The following DPP9 variants were observed in gnomAD, a reference collection of about 807,000 sequenced individuals.
The protein encoded by DPP9 is dipeptidyl peptidase 9.
DPP9 carries 50 observed loss-of-function variants against 110.7 expected under a neutral mutation model. The observed-to-expected ratio is 0.45, with a 90% confidence interval of 0.36 to 0.57. The LOEUF is 0.57. DPP9 is among the 20% of genes least tolerant of loss of function. DPP9 has a pLI of 0.00. For missense variants in DPP9, 1,022 were observed against 1,217.9 expected (o/e 0.84, Z 2.39); for synonymous variants, 561 against 514.4 (o/e 1.09, Z -1.23).
chr19:4,707,349 T>C (rs906341859), intron 4 of DPP9, among the ~76,000 whole-genome samples: 3 of 152,096 alleles, frequency 2.0e-5, no homozygotes, highest in African/African-American at 7.2e-5. Flanking sequence ...CAATTGTCAT[T>C]AGAAAAGGGA....
Position 4,676,394 on chromosome 19 carries a change from AG to A in DPP9, c.*169del. ...CATAAAACCCAAGAGCGTTTAAAAA[AG>A]GATAAAAGGCGTCGGGGCGGTGAAG... On this transcript the variant is annotated 3_prime_UTR_variant, in exon 22 of 22. Coordinates refer to ENST00000262960, the MANE Select transcript of DPP9 (RefSeq NM_139159.5). This position sits in a 1 kb window ranked among gnomAD's most constrained non-coding sequence, Gnocchi z 4.0. 4.9e-6 allele frequency: 3 copies of A among 610,888 alleles called. No individual in the cohort carries two copies. Among genetic ancestry groups the A allele is most frequent in the South Asian group, 1.9e-5 (1 of 52,038 alleles). The allele number at this position is 610,888 out of a possible 1,614,324, so 37.8% of individuals were successfully genotyped here. A position where few individuals can be genotyped will look rare whatever the true frequency, so the allele number is the denominator to read the frequency against.
chr19:4,677,229 GGGGTGGAT>G (rs1293094778), intron 21 of DPP9, among the ~76,000 whole-genome samples: 8 of 152,086 alleles, frequency 5.3e-5, no homozygotes, highest in African/African-American at 1.9e-4. Flanking sequence ...GCCAGGCCTG[GGGGTGGAT>G]CCACACGGGG....
At chr19:4,720,989 A>T (rs1390713705) in intron 2 of DPP9, among the ~76,000 whole-genome samples, 1 of 152,198 alleles carries the variant, frequency 6.6e-6, no homozygotes, top group African/African-American at 2.4e-5. Flanking sequence ...TTAGTAGGGC[A>T]GAGGATCATG....
In DPP9 at chr19:4,698,661, A is replaced by G. The variant is rs1485277184; in HGVS notation, c.1075-1010T>C. Among the ~76,000 whole-genome samples, 5 of 152,116 alleles carry G rather than the reference A, an allele frequency of 3.3e-5. No individual in the cohort carries two copies. The highest frequency in any genetic ancestry group is 1.2e-4 in the African/African-American group (5 of 41,422). ...CTACTCAAGAGGCTGAGGCAAGAGG[A>G]TTGCCTTGAGCCTGGGAAGTTGAGG... On this transcript the variant is annotated intron_variant, in intron 10 of 21. Coordinates refer to ENST00000262960, the MANE Select transcript of DPP9 (RefSeq NM_139159.5). This position sits in a 1 kb window ranked among gnomAD's most constrained non-coding sequence, Gnocchi z 4.2.
chr19:4,678,440 G>GT (rs1235593916), intron 21 of DPP9, among the ~76,000 whole-genome samples: 1 of 152,214 alleles, frequency 6.6e-6, no homozygotes, highest in Non-Finnish European at 1.5e-5. Context: ...ACCTTGTTTG[G>GT]CCCCAGCAGC....
chr19:4,688,067 A>G (rs2090956397), intron 16 of DPP9, among the ~76,000 whole-genome samples: 1 of 152,146 alleles, frequency 6.6e-6, no homozygotes, highest in Non-Finnish European at 1.5e-5. Context: ...AAGTGCTGGG[A>G]TTACAGGCAT....
chr19:4,720,766 C>G (rs1457928882), intron 2 of DPP9, among the ~76,000 whole-genome samples: 2 of 152,176 alleles, frequency 1.3e-5, no homozygotes, highest in Non-Finnish European at 2.9e-5. Context: ...AGAAGGATCC[C>G]ACCTCAAATG....
At chr19:4,677,095 G>A (rs2088939427) in intron 21 of DPP9, among the ~76,000 whole-genome samples, 1 of 152,156 alleles carries the variant, frequency 6.6e-6, no homozygotes, top group Admixed American at 6.5e-5. Flanking sequence ...CTGGGCCTTA[G>A]GACAGCTGCC....
chr19:4,698,753 A>C lies in DPP9; in HGVS notation c.1075-1102T>G, dbSNP rs911650844. Among the ~76,000 whole-genome samples, 1 of 152,150 alleles carries C rather than the reference A, an allele frequency of 6.6e-6. No individual in the cohort carries two copies. The highest frequency in any genetic ancestry group is 1.5e-5 in the Non-Finnish European group (1 of 68,024). On this transcript the variant is annotated intron_variant, in intron 10 of 21. Transcript: ENST00000262960. The surrounding 1 kb of genome is among the most constrained non-coding windows in gnomAD (Gnocchi z 4.2). ...CGACAGTGAGACCCTGTCTCAAAAA[A>C]CAAGAACAAACAAGCAAAGCAAAAC...
rs2088775315 is a variant in DPP9, at chr19:4,675,780, AT to A, written c.*783del. The A allele has an allele frequency of 2.0e-5, 3 of 152,082 alleles. No individual in the cohort carries two copies. The highest frequency in any genetic ancestry group is 7.3e-5 in the African/African-American group (3 of 41,356). 9.4% of individuals were successfully genotyped at this position (152,082 alleles called of 1,614,324 possible). A position where few individuals can be genotyped will look rare whatever the true frequency, so the allele number is the denominator to read the frequency against. ...CCTTGCTTTCTGTCTTTTATTTTTT[AT>A]TTATTTTGAGACAGAGTTTCGCTCT... is the stretch of plus-strand genomic sequence containing the variant. On this transcript the variant is annotated 3_prime_UTR_variant, in exon 22 of 22. Coordinates refer to ENST00000262960, the MANE Select transcript of DPP9 (RefSeq NM_139159.5).
Position 4,723,095 on chromosome 19 carries a change from G to A in DPP9, c.-88-544C>T, listed in dbSNP as rs1254206569. Among the ~76,000 whole-genome samples, 12 of 152,258 alleles carry A rather than the reference G, an allele frequency of 7.9e-5. No individual in the cohort carries two copies. In the South Asian group the frequency reaches 1.5e-3, roughly 18 times the overall value. The stretch of plus-strand genomic sequence containing the variant: ...CTAACCACTACACCACCAACGCCTC[G>A]GCAGGAAAAAGAGTCTCTGGATACC... On this transcript the variant is annotated intron_variant, in intron 1 of 21. Transcript: ENST00000262960.
Position 4,702,060 on chromosome 19 carries a change from T to C in DPP9, c.979A>G (p.Arg327Gly). Residue 327 changes from arginine to glycine, a missense_variant, in exon 9 of 22, where the codon AGG becomes GGG. By Grantham distance (125) the Arg-to-Gly change is moderately radical. Around this residue, in one of 3 missense-constraint regions of DPP9, gnomAD observed 810 missense variants for 920.6 expected, o/e 0.88. Transcript: ENST00000262960. ...IHVPSPALEE[R>G]KTDSYRYPRT... ...GGGTACCGATACGAGTCCGTCTTCC[T>C]TTCTTCTAGCGCAGGAGAGGGGACG... is the stretch of plus-strand genomic sequence containing the variant. 2 of 1,613,972 alleles carry C rather than the reference T, an allele frequency of 1.2e-6. No individual in the cohort carries two copies. The highest frequency in any genetic ancestry group is 8.5e-7 in the Non-Finnish European group (1 of 1,179,858).
At position 4,682,563 on chromosome 19, in the gene DPP9, G is replaced by C. The variant is rs1019826806; in HGVS notation, c.2474+133C>G. ...GCAGACGCCACCACAGGAGCACAGC[G>C]GGGAGGCTCCACATGGCCTGAGGCT... is the stretch of plus-strand genomic sequence containing the variant. On this transcript the variant is annotated intron_variant, in intron 20 of 21. Coordinates refer to ENST00000262960, the MANE Select transcript of DPP9 (RefSeq NM_139159.5). The surrounding 1 kb of genome is among the most constrained non-coding windows in gnomAD (Gnocchi z 7.1). 7.5e-7 allele frequency: 1 copy of C among 1,325,096 alleles called. No homozygotes were observed. The highest frequency in any genetic ancestry group is 1.0e-6 in the Non-Finnish European group (1 of 973,448). 82.1% of individuals were successfully genotyped at this position (1,325,096 alleles called of 1,614,324 possible).
At position 4,704,502 on chromosome 19, in the gene DPP9, G is replaced by C. The variant is rs937602142; in HGVS notation, c.427-198C>G. Among the ~76,000 whole-genome samples, 6 of 152,224 alleles carry C rather than the reference G, an allele frequency of 3.9e-5. No individual in the cohort carries two copies. Among genetic ancestry groups the C allele is most frequent in the Non-Finnish European group, 7.4e-5 (5 of 68,022 alleles). ...TGGCCAAAGATTGCCAGCGAACCTG[G>C]CCCTGCAGGACTGGCTGAGTGTCCT... On this transcript the variant is annotated intron_variant, in intron 5 of 21. Transcript: ENST00000262960. This position sits in a 1 kb window ranked among gnomAD's most constrained non-coding sequence, Gnocchi z 6.0.
At chr19:4,708,061 C>T (rs1377532272) in intron 4 of DPP9, among the ~76,000 whole-genome samples, 1 of 152,220 alleles carries the variant, frequency 6.6e-6, no homozygotes, top group African/African-American at 2.4e-5. Flanking sequence ...CTCCTGCTTG[C>T]TTTCTGTGTC....
At position 4,685,520 on chromosome 19, in the gene DPP9, G is replaced by T; in HGVS notation, c.2031+106C>A. 7.8e-7 allele frequency: 1 copy of T among 1,278,190 alleles called. No individual in the cohort carries two copies. Among genetic ancestry groups the T allele is most frequent in the Non-Finnish European group, 1.1e-6 (1 of 920,524 alleles). The allele number at this position is 1,278,190 out of a possible 1,614,324, so 79.2% of individuals were successfully genotyped here. A position where few individuals can be genotyped will look rare whatever the true frequency, so the allele number is the denominator to read the frequency against. ...GGGCTGGGGCACCAGGCAGGTAGCCGGGGAGCCTCCTCTGGTTGACTGTTC... is the reference window on the plus strand; with the variant it reads ...GGGCTGGGGCACCAGGCAGGTAGCCTGGGAGCCTCCTCTGGTTGACTGTTC... On this transcript the variant is annotated intron_variant, in intron 17 of 21. Transcript: ENST00000262960. This position sits in a 1 kb window ranked among gnomAD's most constrained non-coding sequence, Gnocchi z 5.8.
chr19:4,680,116 A>T (rs113305890), intron 20 of DPP9, among the ~76,000 whole-genome samples, 170 bp from the exon 21 acceptor site: 9,979 of 152,098 alleles, frequency 0.066, 580 homozygotes, highest in African/African-American at 0.15. Flanking sequence ...AGGTGCCTGA[A>T]ATCGCAGCTA....
At position 4,689,820 on chromosome 19, in the gene DPP9, C is replaced by G. The variant is rs757599302; in HGVS notation, c.1597-98G>C. On this transcript the variant is annotated intron_variant, in intron 14 of 21. Transcript: ENST00000262960. The surrounding 1 kb of genome is among the most constrained non-coding windows in gnomAD (Gnocchi z 7.0). ...AGGAGTGGGCCCCATGTTCCTCGGACTGGGGACGCATGCTGTCCTCGCCCA... is the reference window on the plus strand; with the variant it reads ...AGGAGTGGGCCCCATGTTCCTCGGAGTGGGGACGCATGCTGTCCTCGCCCA... The G allele has an allele frequency of 6.2e-4, 820 of 1,316,512 alleles. 4 individuals are homozygous for G. In the Middle Eastern group the frequency reaches 0.014, roughly 23 times the overall value. 81.6% of individuals were successfully genotyped at this position (1,316,512 alleles called of 1,614,324 possible).
At chr19:4,708,501 C>T (rs966621953) in intron 4 of DPP9, among the ~76,000 whole-genome samples, 4 of 152,174 alleles carry the variant, frequency 2.6e-5, no homozygotes, top group African/African-American at 9.7e-5. Context: ...ACAGAATCTT[C>T]TCACTATTCA....
Sources: gnomAD v4.1 joint callset for allele counts (sites outside exome capture counted in the v4.1 genomes callset) on GRCh38, gnomAD v4.1.1 for gene constraint, gnomAD v4.1.1 regional missense constraint, Gnocchi (gnomAD v3.1) non-coding constraint, MANE v1.5 for transcripts, NCBI Gene and HGNC (gene_info 2026-07-23, HGNC 2026-07-21) for gene names.